UBE2O: variants seen among roughly 807,000 people sequenced by gnomAD.
The protein encoded by UBE2O is (E3-independent) E2 ubiquitin-conjugating enzyme.
Under a neutral mutation model 125.8 loss-of-function variants are expected in UBE2O, and 15 were observed. The ratio of observed to expected loss-of-function variants is 0.12; its 90% CI spans 0.08 to 0.18. UBE2O has a LOEUF of 0.18. UBE2O is among the 10% of genes least tolerant of loss of function. The pLI is 1.00. For missense variants in UBE2O, 1,280 were observed against 1,723.6 expected (o/e 0.74, Z 4.56); for synonymous variants, 708 against 703.2 (o/e 1.01, Z -0.11).
At position 76,402,058 on chromosome 17, in the gene UBE2O, C is replaced by A; in HGVS notation, c.750+6G>T. ...GAAGGGTGCTGGCCTGGATGGAGCA[C>A]ACTACCGAGTCGCTGACGTGCGGGC... On this transcript the variant is annotated splice_donor_region_variant and intron_variant, in intron 5 of 17. Transcript: ENST00000319380. The surrounding 1 kb of genome is among the most constrained non-coding windows in gnomAD (Gnocchi z 5.4). 6.2e-7 allele frequency: 1 copy of A among 1,613,492 alleles called. No homozygotes were observed. The highest frequency in any genetic ancestry group is 8.5e-7 in the Non-Finnish European group (1 of 1,179,918).
chr17:76,396,725 T>C lies in UBE2O; in HGVS notation c.2212A>G (p.Ser738Gly), dbSNP rs1041016010. The stretch of plus-strand genomic sequence containing the variant: ...CCATTGTCCGTCTCCCAGCTGTCAC[T>C]ATCATCTTCCCATTCATCCGAGGAT... ...GASSDEWEDD[S>G]DSWETDNGLV... Residue 738 changes from serine (S) to glycine (G), a missense_variant, in exon 14 of 18, where the codon AGT becomes GGT. Ser to Gly is a moderately conservative substitution (Grantham distance 56, BLOSUM62 0). Transcript: ENST00000319380. The surrounding 1 kb of genome is among the most constrained non-coding windows in gnomAD (Gnocchi z 6.7). The C allele has an allele frequency of 5.0e-6, 8 of 1,614,078 alleles. No individual in the cohort carries two copies. Among genetic ancestry groups the C allele is most frequent in the Non-Finnish European group, 6.8e-6 (8 of 1,180,000 alleles).
In UBE2O at chr17:76,452,675, C is replaced by T; in HGVS notation, c.417+50G>A. The T allele has an allele frequency of 7.5e-7, 1 of 1,341,078 alleles. No homozygotes were observed. 83.1% of individuals were successfully genotyped at this position (1,341,078 alleles called of 1,614,324 possible). A position where few individuals can be genotyped will look rare whatever the true frequency, so the allele number is the denominator to read the frequency against. The stretch of plus-strand genomic sequence containing the variant: ...ACGCCGTCCTTCCCTGGCCTCGGCC[C>T]GGCCGCCGACCCCCTGCCGCCCGCG... On this transcript the variant is annotated intron_variant, in intron 1 of 17. Transcript: ENST00000319380. The surrounding 1 kb of genome is among the most constrained non-coding windows in gnomAD (Gnocchi z 4.4).
In UBE2O at chr17:76,390,965, G is replaced by C. The variant is rs763093268; in HGVS notation, c.3857C>G (p.Pro1286Arg). ...FRAALLEAGM[P>R]ECTEDK ...CAGCTACTTGTCCTCTGTGCACTCCGGCATGCCTGCCTCTAGCAGGGCAGC... is the reference window on the plus strand; with the variant it reads ...CAGCTACTTGTCCTCTGTGCACTCCCGCATGCCTGCCTCTAGCAGGGCAGC... Residue 1286 changes from proline to arginine, a missense_variant, in exon 18 of 18, where the codon CCG becomes CGG. Transcript: ENST00000319380. The C allele has an allele frequency of 8.3e-5, 134 of 1,610,550 alleles. No individual in the cohort carries two copies. Among genetic ancestry groups the C allele is most frequent in the Non-Finnish European group, 1.1e-4 (133 of 1,178,548 alleles).
chr17:76,417,827 A>G (rs2072642284), intron 1 of UBE2O, among the ~76,000 whole-genome samples: 1 of 152,218 alleles, frequency 6.6e-6, no homozygotes. Context: ...GTCCGCGAAG[A>G]GACGTCTGGG....
Position 76,400,565 on chromosome 17 carries a change from T to TG in UBE2O, c.895-16dup. 3.2e-6 allele frequency: 5 copies of TG among 1,585,646 alleles called. No individual in the cohort carries two copies. The highest frequency in any genetic ancestry group is 4.3e-6 in the Non-Finnish European group (5 of 1,159,382). ...ACAACCTGCACCTGGGGATGGCAGGTGGGACACGCCAGTCAGGGCAGGCTC... is the reference window on the plus strand; with the variant it reads ...ACAACCTGCACCTGGGGATGGCAGGTGGGGACACGCCAGTCAGGGCAGGCTC... On this transcript the variant is annotated splice_polypyrimidine_tract_variant and intron_variant, in intron 6 of 17. Coordinates refer to ENST00000319380, the MANE Select transcript of UBE2O (RefSeq NM_022066.4). This position sits in a 1 kb window ranked among gnomAD's most constrained non-coding sequence, Gnocchi z 4.3.
chr17:76,409,683 C>G (rs761599555), intron 1 of UBE2O, among the ~76,000 whole-genome samples: 79 of 152,200 alleles, frequency 5.2e-4, no homozygotes, highest in Admixed American at 1.7e-3. Context: ...CGTGAGCCAC[C>G]GCCCCTGGCA....
In UBE2O at chr17:76,405,216, T is replaced by C. The variant is rs2072394460; in HGVS notation, c.578A>G (p.Gln193Arg). 6.2e-7 allele frequency: 1 copy of C among 1,611,068 alleles called. No individual in the cohort carries two copies. Among genetic ancestry groups the C allele is most frequent in the Non-Finnish European group, 8.5e-7 (1 of 1,178,026 alleles). The change falls in exon 3 of 18, where the codon CAG becomes CGG. Residue 193 changes from glutamine to arginine, a missense_variant. Coordinates refer to ENST00000319380, the MANE Select transcript of UBE2O (RefSeq NM_022066.4). This position sits in a 1 kb window ranked among gnomAD's most constrained non-coding sequence, Gnocchi z 6.1. Reference sequence around the variant, plus strand: ...ACAGGGCCGGCTCACCCAGATGTGCTGCAGGTCCTTGCTGTTGACGGGATA... The same window carrying C: ...ACAGGGCCGGCTCACCCAGATGTGCCGCAGGTCCTTGCTGTTGACGGGATA... ...IIYPVNSKDLQHIWPFMYGDY... is the reference protein window; with the variant it reads ...IIYPVNSKDLRHIWPFMYGDY...
In UBE2O at chr17:76,405,097, AG is replaced by A; in HGVS notation, c.588+108del. 3.8e-6 allele frequency: 3 copies of A among 782,002 alleles called. No homozygotes were observed. Among genetic ancestry groups the A allele is most frequent in the Non-Finnish European group, 6.1e-6 (3 of 488,524 alleles). 48.4% of individuals were successfully genotyped at this position (782,002 alleles called of 1,614,324 possible). On this transcript the variant is annotated intron_variant, in intron 3 of 17. Coordinates refer to ENST00000319380, the MANE Select transcript of UBE2O (RefSeq NM_022066.4). The surrounding 1 kb of genome is among the most constrained non-coding windows in gnomAD (Gnocchi z 6.1). ...GCTGCTGTGCTCCGCCTTCTGACCC[AG>A]GAAGGCTGTGCTTGGCAAGAGCACG...
Position 76,400,849 on chromosome 17 carries a change from G to C in UBE2O, c.894+162C>G, listed in dbSNP as rs572475646. On this transcript the variant is annotated intron_variant, in intron 6 of 17. Coordinates refer to ENST00000319380, the MANE Select transcript of UBE2O (RefSeq NM_022066.4). The surrounding 1 kb of genome is among the most constrained non-coding windows in gnomAD (Gnocchi z 4.3). Reference sequence around the variant, plus strand: ...ATCTGTCTTTTGGTCACTATGACCAGAGCCTGGGTTCCCTTTATCCCCAAA... The same window carrying C: ...ATCTGTCTTTTGGTCACTATGACCACAGCCTGGGTTCCCTTTATCCCCAAA... 2.0e-4 allele frequency among the ~76,000 whole-genome samples: 31 copies of C among 152,340 alleles called. No individual in the cohort carries two copies. The highest frequency in any genetic ancestry group is 7.0e-4 in the African/African-American group (29 of 41,580).
intron 15 of UBE2O, among the ~76,000 whole-genome samples, chr17:76,394,898 T>C (rs1430930397): frequency 6.6e-6 from 1 of 151,454 alleles, no homozygotes; most frequent in East Asian, 1.9e-4. Context: ...TTTTTTGAGA[T>C]GAAGTCTCGC....
At chr17:76,451,369 C>G (rs2073239309) in intron 1 of UBE2O, among the ~76,000 whole-genome samples, 1 of 152,198 alleles carries the variant, frequency 6.6e-6, no homozygotes, top group Non-Finnish European at 1.5e-5. Flanking sequence ...CCTTCCAAGT[C>G]TCAGAGCTGT....
chr17:76,440,671 T>C (rs2073064804), intron 1 of UBE2O, among the ~76,000 whole-genome samples: 1 of 152,350 alleles, frequency 6.6e-6, no homozygotes, highest in South Asian at 2.1e-4. Context: ...TATCTCTATT[T>C]TTCAGGATCC....
chr17:76,405,397 C>CG lies in UBE2O; in HGVS notation c.478-82dup. ...GGAGACCCAGCCCAGGCAACCCCAG[C>CG]GCACCCCCTGCAGAGCTGGCCAGTT... is the stretch of plus-strand genomic sequence containing the variant. On this transcript the variant is annotated intron_variant, in intron 2 of 17. Coordinates refer to ENST00000319380, the MANE Select transcript of UBE2O (RefSeq NM_022066.4). This position sits in a 1 kb window ranked among gnomAD's most constrained non-coding sequence, Gnocchi z 6.1. The CG allele has an allele frequency of 2.7e-6, 4 of 1,504,210 alleles. No individual in the cohort carries two copies. Among genetic ancestry groups the CG allele is most frequent in the Non-Finnish European group, 3.6e-6 (4 of 1,096,464 alleles). 93.2% of individuals were successfully genotyped at this position (1,504,210 alleles called of 1,614,324 possible). A position where few individuals can be genotyped will look rare whatever the true frequency, so the allele number is the denominator to read the frequency against.
rs532229735 is a variant in UBE2O, at chr17:76,405,006, C to T, written c.588+200G>A. Among the ~76,000 whole-genome samples the T allele has an allele frequency of 2.0e-4, 31 of 152,228 alleles. No homozygotes were observed. In the South Asian group the frequency reaches 6.0e-3, roughly 30 times the overall value. On this transcript the variant is annotated intron_variant, in intron 3 of 17. Coordinates refer to ENST00000319380, the MANE Select transcript of UBE2O (RefSeq NM_022066.4). The surrounding 1 kb of genome is among the most constrained non-coding windows in gnomAD (Gnocchi z 6.1). Reference sequence around the variant, plus strand: ...CCTATGCTGGGGTTGGGGAAGGGCACGTCCTGACCTCATGTCTAAATGGCT... The same window carrying T: ...CCTATGCTGGGGTTGGGGAAGGGCATGTCCTGACCTCATGTCTAAATGGCT...
At chr17:76,445,090 T>A (rs1028929521) in intron 1 of UBE2O, among the ~76,000 whole-genome samples, 5 of 152,198 alleles carry the variant, frequency 3.3e-5, no homozygotes, top group African/African-American at 1.2e-4. Context: ...TCGGAGCTGC[T>A]GAGTGTGAAA....
chr17:76,402,978 A>C lies in UBE2O; in HGVS notation c.589-279T>G, dbSNP rs1265505316. Among the ~76,000 whole-genome samples the C allele has an allele frequency of 6.6e-6, 1 of 152,152 alleles. No individual in the cohort carries two copies. The highest frequency in any genetic ancestry group is 1.5e-5 in the Non-Finnish European group (1 of 68,020). On this transcript the variant is annotated intron_variant, in intron 3 of 17. Coordinates refer to ENST00000319380, the MANE Select transcript of UBE2O (RefSeq NM_022066.4). The surrounding 1 kb of genome is among the most constrained non-coding windows in gnomAD (Gnocchi z 5.4). ...GGTGATGCAGGGGCAGAGAGGCCTG[A>C]TGGCATCCATGGACATGGGACATCC...
rs770357785 is a variant in UBE2O at position 76,398,369 on chromosome 17, C to T, written c.1911G>A (p.Glu637=). 1 of 1,614,134 alleles carries T rather than the reference C, an allele frequency of 6.2e-7. No homozygotes were observed. Among genetic ancestry groups the T allele is most frequent in the Non-Finnish European group, 8.5e-7 (1 of 1,180,030 alleles). The part of the protein sequence containing the change: ...SGDDVELIGE[E]EDVSVYDIAD... ...CAATGTCGTAAACACTCACATCTTC[C>T]TCTTCTCCAATCAGCTGTGGCACAG... Residue 637 remains glutamate, a synonymous_variant, in exon 12 of 18, where the codon GAG becomes GAA. Transcript: ENST00000319380. The surrounding 1 kb of genome is among the most constrained non-coding windows in gnomAD (Gnocchi z 5.4).
chr17:76,407,593 C>T (rs1233874954), intron 1 of UBE2O, among the ~76,000 whole-genome samples: 4 of 152,200 alleles, frequency 2.6e-5, no homozygotes, highest in Admixed American at 6.5e-5. Flanking sequence ...GAGAGAAGAA[C>T]GCAGACACAG....
chr17:76,444,604 G>A (rs562425660), intron 1 of UBE2O, among the ~76,000 whole-genome samples: 2 of 152,198 alleles, frequency 1.3e-5, no homozygotes, highest in Non-Finnish European at 2.9e-5. Flanking sequence ...CTAGTCATTT[G>A]TGACCTTCAG....
Sources: gnomAD v4.1 joint callset for allele counts (sites outside exome capture counted in the v4.1 genomes callset) on GRCh38, gnomAD v4.1.1 for gene constraint, Gnocchi (gnomAD v3.1) non-coding constraint, MANE v1.5 for transcripts, NCBI Gene and HGNC (gene_info 2026-07-23, HGNC 2026-07-21) for gene names.